The following L3MBTL3 variants were observed in gnomAD, a reference collection of about 807,000 sequenced individuals.
L3MBTL3 encodes the protein lethal(3)malignant brain tumor-like protein 3.
L3MBTL3 carries 27 observed loss-of-function variants against 102.3 expected under a neutral mutation model. That is an observed-to-expected ratio of 0.26 (90% CI 0.19 to 0.36). L3MBTL3 has a LOEUF of 0.36. L3MBTL3 is among the 10% of genes least tolerant of loss of function. The probability of loss-of-function intolerance (pLI) is 1.00; values close to 1 mark genes in which losing one functional copy is unlikely to be tolerated. For missense variants in L3MBTL3, 798 were observed against 955.3 expected (o/e 0.84, Z 2.17); for synonymous variants, 340 against 320.9 (o/e 1.06, Z -0.64).
chr6:130,113,213 C>T (rs1334341321), intron 19 of L3MBTL3, among the ~76,000 whole-genome samples: 1 of 152,182 alleles, frequency 6.6e-6, no homozygotes, highest in Non-Finnish European at 1.5e-5. Flanking sequence ...CGGAGGTACT[C>T]ATTCAGGAAA....
Position 130,078,555 on chromosome 6 carries a change from C to G in L3MBTL3, c.1245-3C>G. 6.2e-7 allele frequency: 1 copy of G among 1,604,148 alleles called. No individual in the cohort carries two copies. The highest frequency in any genetic ancestry group is 8.5e-7 in the Non-Finnish European group (1 of 1,172,932). ...GCAGTTTTTTAATTTGTGTAACTTT[C>G]AGGTGTGAAGCATCAAGTCCACATA... On this transcript the variant is annotated splice_polypyrimidine_tract_variant and splice_region_variant and intron_variant, in intron 13 of 22. Transcript: ENST00000361794.
rs769853719 is a variant in L3MBTL3, at chr6:130,133,474, C to T, written c.1989C>T (p.Val663=). 3 of 1,613,986 alleles carry T rather than the reference C, an allele frequency of 1.9e-6. No individual in the cohort carries two copies. The highest frequency in any genetic ancestry group is 1.7e-5 in the Admixed American group (1 of 60,008). ...CAGGTGCCCGGGAAGAACCCACCGT[C>T]CAGCAGGCACAGCGTCGGTCAGCTG... ...EARGAREEPT[V]QQAQRRSAVF... The change falls in exon 21 of 23, where the codon GTC becomes GTT. Residue 663 remains valine, a synonymous_variant. Coordinates refer to ENST00000361794, the MANE Select transcript of L3MBTL3 (RefSeq NM_032438.4). The surrounding 1 kb of genome is among the most constrained non-coding windows in gnomAD (Gnocchi z 4.9).
intron 20 of L3MBTL3, among the ~76,000 whole-genome samples, chr6:130,124,957 C>T (rs915434125): frequency 4.6e-5 from 7 of 150,546 alleles, no homozygotes; most frequent in South Asian, 2.1e-4. Context: ...GCAACAAGAG[C>T]GAAACTCCAT....
chr6:130,120,807 T>C, intron 19 of L3MBTL3, 72 bp from the exon 20 acceptor site: 1 of 1,088,268 alleles, frequency 9.2e-7, no homozygotes, highest in Non-Finnish European at 1.4e-6. Flanking sequence ...AAAGCACTTG[T>C]TGAGATGTAG....
chr6:130,104,646 AT>A, intron 19 of L3MBTL3, 71 bp downstream of exon 19: 1 of 1,150,900 alleles, frequency 8.7e-7, no homozygotes, highest in South Asian at 2.5e-5. Context: ...TCTTTTAGAT[AT>A]TTTATTTCCT....
intron 18 of L3MBTL3, among the ~76,000 whole-genome samples, chr6:130,097,528 A>G (rs1157184132): frequency 6.6e-6 from 1 of 152,220 alleles, no homozygotes; most frequent in Non-Finnish European, 1.5e-5. Context: ...TGTCTAAACA[A>G]TGAAGCTTGA....
intron 2 of L3MBTL3, among the ~76,000 whole-genome samples, chr6:130,040,113 G>C (rs1291055452): frequency 1.3e-5 from 2 of 152,018 alleles, no homozygotes; most frequent in Non-Finnish European, 2.9e-5. Context: ...GATCACTTGA[G>C]GTCAGGAGTT....
intron 16 of L3MBTL3, among the ~76,000 whole-genome samples, chr6:130,088,866 T>C (rs1444109417): frequency 6.6e-6 from 1 of 152,162 alleles, no homozygotes; most frequent in East Asian, 1.9e-4. Context: ...TCCCCTTATC[T>C]TTTCAGTAGT....
rs758635088 is a variant in L3MBTL3 at position 130,139,667 on chromosome 6, A to T, written c.2257A>T (p.Ser753Cys). ...MTQTDIVKIM[S>C]IKLGPALKIF... Reference sequence around the variant, plus strand: ...TCAAACAGACATTGTTAAAATTATGAGCATTAAACTGGGCCCTGCTCTCAA... The same window carrying T: ...TCAAACAGACATTGTTAAAATTATGTGCATTAAACTGGGCCCTGCTCTCAA... Residue 753 changes from serine (S) to cysteine (C), a missense_variant, in exon 23 of 23, where the codon AGC (serine) becomes TGC (cysteine). Ser to Cys is a moderately radical substitution (Grantham distance 112). Coordinates refer to ENST00000361794, the MANE Select transcript of L3MBTL3 (RefSeq NM_032438.4). 4 of 1,612,326 alleles carry T rather than the reference A, an allele frequency of 2.5e-6. No individual in the cohort carries two copies. In the South Asian group the frequency reaches 4.4e-5, roughly 18 times the overall value.
chr6:130,058,453 C>T (rs1306808568), intron 9 of L3MBTL3, among the ~76,000 whole-genome samples: 1 of 148,490 alleles, frequency 6.7e-6, no homozygotes, highest in East Asian at 2.0e-4. Context: ...GTCTGAGCAA[C>T]ATAGTGAGAC....
chr6:130,028,810 G>A (rs1779523846), intron 2 of L3MBTL3, among the ~76,000 whole-genome samples: 1 of 152,198 alleles, frequency 6.6e-6, no homozygotes, highest in Non-Finnish European at 1.5e-5. Context: ...AACTTCTTTT[G>A]ATGTGTTCTC....
intron 15 of L3MBTL3, among the ~76,000 whole-genome samples, chr6:130,084,337 CAG>C (rs1783542188): frequency 6.6e-6 from 1 of 151,918 alleles, no homozygotes; most frequent in Admixed American, 6.6e-5. Flanking sequence ...ATGAATTTAA[CAG>C]AAAAGAAAAA....
chr6:130,030,665 TAA>T (rs548921467), intron 2 of L3MBTL3, among the ~76,000 whole-genome samples: 1,087 of 48,374 alleles, frequency 0.022, 2 homozygotes, highest in South Asian at 0.041. Flanking sequence ...AGACTCTACC[TAA>T]AAAAAAAAAA....
chr6:130,049,581 C>T, intron 4 of L3MBTL3, 175 bp from the exon 5 acceptor site: 1 of 696,174 alleles, frequency 1.4e-6, no homozygotes, highest in Non-Finnish European at 2.3e-6. Flanking sequence ...TATAAACTGT[C>T]TTCTTTGTCC....
intron 16 of L3MBTL3, among the ~76,000 whole-genome samples, chr6:130,089,217 G>GC (rs994096421): frequency 1.1e-4 from 11 of 99,208 alleles, no homozygotes; most frequent in Non-Finnish European, 1.5e-4. Flanking sequence ...CCCTCCCCCT[G>GC]CCCCCCACCC....
chr6:130,138,886 G>A (rs1433053616), intron 22 of L3MBTL3, among the ~76,000 whole-genome samples: 1 of 152,122 alleles, frequency 6.6e-6, no homozygotes, highest in African/African-American at 2.4e-5. Context: ...TAAAAGATGT[G>A]TTGTACCTTT....
chr6:130,019,925 T>TGCCGC (rs1379598586), intron 1 of L3MBTL3, among the ~76,000 whole-genome samples: 5 of 133,270 alleles, frequency 3.8e-5, no homozygotes, highest in Admixed American at 7.3e-5. Context: ...CCCCGCGCCG[T>TGCCGC]GCCGCGCCGC....
At position 130,139,883 on chromosome 6, in the gene L3MBTL3, A is replaced by C. The variant is rs888653324; in HGVS notation, c.*130A>C. The C allele has an allele frequency of 1.3e-6, 1 of 795,768 alleles. No homozygotes were observed. The highest frequency in any genetic ancestry group is 1.8e-5 in the African/African-American group (1 of 56,964). 49.3% of individuals were successfully genotyped at this position (795,768 alleles called of 1,614,324 possible). A position where few individuals can be genotyped will look rare whatever the true frequency, so the allele number is the denominator to read the frequency against. Reference sequence around the variant, plus strand: ...AAAGAGCAACACTATCGGATTATTTATATTACTCAAGAGACAATATATATG... The same window carrying C: ...AAAGAGCAACACTATCGGATTATTTCTATTACTCAAGAGACAATATATATG... On this transcript the variant is annotated 3_prime_UTR_variant, in exon 23 of 23. Coordinates refer to ENST00000361794, the MANE Select transcript of L3MBTL3 (RefSeq NM_032438.4).
intron 6 of L3MBTL3, among the ~76,000 whole-genome samples, chr6:130,051,750 T>C (rs1437822792): frequency 6.6e-6 from 1 of 152,206 alleles, no homozygotes. Flanking sequence ...TATAGAAACA[T>C]AGTTTTGTTT....
Sources: gnomAD v4.1 joint callset for allele counts (sites outside exome capture counted in the v4.1 genomes callset) on GRCh38, gnomAD v4.1.1 for gene constraint, Gnocchi (gnomAD v3.1) non-coding constraint, MANE v1.5 for transcripts, NCBI Gene and HGNC (gene_info 2026-07-23, HGNC 2026-07-21) for gene names.